The following IPCEF1 variants were observed in gnomAD, a reference collection of about 807,000 sequenced individuals.
IPCEF1 encodes the protein interaction protein for cytohesin exchange factors 1.
IPCEF1 carries 31 observed loss-of-function variants against 50.9 expected under a neutral mutation model. The ratio of observed to expected loss-of-function variants is 0.61; its 90% CI spans 0.46 to 0.82. The LOEUF is 0.82. IPCEF1 is among the 40% of genes least tolerant of loss of function. IPCEF1 has a pLI of 0.00. For synonymous variants in IPCEF1, 181 were observed against 192.0 expected (o/e 0.94, Z 0.47); for missense variants, 458 against 514.0 (o/e 0.89, Z 1.05).
At chr6:154,257,083 T>C (rs554881779) in intron 3 of IPCEF1, among the ~76,000 whole-genome samples, 2 of 152,300 alleles carry the variant, frequency 1.3e-5, no homozygotes, top group African/African-American at 4.8e-5. Context: ...TGTAACCCCA[T>C]GGTAAGTCAA....
At chr6:154,321,020 T>C (rs1783359667) in intron 1 of IPCEF1, among the ~76,000 whole-genome samples, 1 of 152,020 alleles carries the variant, frequency 6.6e-6, no homozygotes, top group Non-Finnish European at 1.5e-5. Flanking sequence ...AGCCTTGACC[T>C]CCTGGGCTCA....
At chr6:154,189,172 C>A (rs1801640827) in intron 10 of IPCEF1, among the ~76,000 whole-genome samples, 1 of 152,184 alleles carries the variant, frequency 6.6e-6, no homozygotes, top group Admixed American at 6.5e-5. Flanking sequence ...GAAATAAACA[C>A]TCTTAGATGT....
chr6:154,226,471 G>A (rs1277149468), intron 5 of IPCEF1, among the ~76,000 whole-genome samples: 4 of 152,006 alleles, frequency 2.6e-5, no homozygotes, highest in African/African-American at 9.7e-5. Context: ...ACATGTGAGA[G>A]ACATCCCCAA....
At chr6:154,343,731 G>A (rs1783966487) in intron 1 of IPCEF1, among the ~76,000 whole-genome samples, 1 of 152,226 alleles carries the variant, frequency 6.6e-6, no homozygotes, top group South Asian at 2.1e-4. Flanking sequence ...GAGGAAAAGA[G>A]GTCCTTGGAA....
At chr6:154,329,707 C>T (rs938837970) in intron 1 of IPCEF1, among the ~76,000 whole-genome samples, 2 of 151,552 alleles carry the variant, frequency 1.3e-5, no homozygotes, top group African/African-American at 4.8e-5. Flanking sequence ...ATTCGTCATG[C>T]AAAAAAGAAA....
chr6:154,338,694 G>A lies in IPCEF1; in HGVS notation c.-62+17978C>T, dbSNP rs146270225. Among the ~76,000 whole-genome samples, 7 of 152,220 alleles carry A rather than the reference G, an allele frequency of 4.6e-5. No homozygotes were observed. In the East Asian group the frequency reaches 1.4e-3, roughly 29 times the overall value. On this transcript the variant is annotated intron_variant, in intron 1 of 11. Transcript: ENST00000367220. The stretch of plus-strand genomic sequence containing the variant: ...TAGTATTTTCAGAGGCCAAGGTAGA[G>A]AATCACTCTAGAACCCAGGAGTTTG...
At chr6:154,323,436 C>T (rs2128688878) in intron 1 of IPCEF1, among the ~76,000 whole-genome samples, 2 of 95,916 alleles carry the variant, frequency 2.1e-5, no homozygotes, top group Middle Eastern at 0.011. Flanking sequence ...TCCCTTCCCT[C>T]TCTCATTCTG....
intron 10 of IPCEF1, among the ~76,000 whole-genome samples, chr6:154,182,743 T>C (rs760345307): frequency 1.8e-4 from 27 of 152,114 alleles, no homozygotes; most frequent in Admixed American, 3.3e-4. Flanking sequence ...ATCCAATGCA[T>C]TGTAGATAAA....
In IPCEF1 at chr6:154,272,217, G is replaced by A. The variant is rs564097022; in HGVS notation, c.-17-6253C>T. On this transcript the variant is annotated intron_variant, in intron 2 of 11. Transcript: ENST00000367220. ...GCACAAGTGTGCATGCTTAGTAAGT[G>A]GTAGCAATTACCTAGAATGGGAGCT... is the stretch of plus-strand genomic sequence containing the variant. Among the ~76,000 whole-genome samples the A allele has an allele frequency of 8.1e-4, 123 of 152,282 alleles. 1 individual carries two copies. Among genetic ancestry groups the A allele is most frequent in the African/African-American group, 2.9e-3 (120 of 41,556 alleles).
At chr6:154,167,488 C>T (rs1799534574) in intron 11 of IPCEF1, among the ~76,000 whole-genome samples, 1 of 152,154 alleles carries the variant, frequency 6.6e-6, no homozygotes, top group Non-Finnish European at 1.5e-5. Flanking sequence ...GGATGCAGTC[C>T]TGAAGACTGG....
intron 1 of IPCEF1, among the ~76,000 whole-genome samples, chr6:154,298,891 G>A (rs1402200765): frequency 1.4e-5 from 2 of 142,338 alleles, no homozygotes; most frequent in Non-Finnish European, 3.2e-5. Context: ...GAACCCAGGA[G>A]GCGGAGGTTG....
At chr6:154,278,027 G>C (rs1023463725) in intron 2 of IPCEF1, among the ~76,000 whole-genome samples, 24 of 151,876 alleles carry the variant, frequency 1.6e-4, no homozygotes, top group Admixed American at 1.4e-3. Flanking sequence ...TCCTGCCCTA[G>C]ATACCTTCAT....
intron 3 of IPCEF1, among the ~76,000 whole-genome samples, chr6:154,257,179 C>T (rs1781482283): frequency 6.6e-6 from 1 of 152,114 alleles, no homozygotes; most frequent in African/African-American, 2.4e-5. Flanking sequence ...CTCCTTCCTC[C>T]CAGGGCCCAC....
At chr6:154,229,177 C>T (rs1357949730) in intron 5 of IPCEF1, among the ~76,000 whole-genome samples, 1 of 152,134 alleles carries the variant, frequency 6.6e-6, no homozygotes, top group Non-Finnish European at 1.5e-5. Context: ...TTGTGAGTAC[C>T]TTGAAGGAAA....
chr6:154,190,663 A>AC (rs1047166735), intron 10 of IPCEF1, among the ~76,000 whole-genome samples: 73 of 152,210 alleles, frequency 4.8e-4, no homozygotes, highest in African/African-American at 1.6e-3. Flanking sequence ...ATTGCTATTT[A>AC]CCCCAAAGAG....
intron 1 of IPCEF1, among the ~76,000 whole-genome samples, chr6:154,315,686 C>T (rs1783197835): frequency 6.6e-6 from 1 of 152,126 alleles, no homozygotes; most frequent in South Asian, 2.1e-4. Flanking sequence ...ACTAGCATCC[C>T]TGTATTTGGC....
chr6:154,312,537 G>A (rs902394376), intron 1 of IPCEF1, among the ~76,000 whole-genome samples: 3 of 151,928 alleles, frequency 2.0e-5, no homozygotes, highest in Admixed American at 1.3e-4. Context: ...TAGTAGAGAC[G>A]GGGTTTCACC....
intron 6 of IPCEF1, 29 bp from the exon 7 acceptor site, chr6:154,221,357 A>G (rs2272381): frequency 0.16 from 248,265 of 1,583,206 alleles, 20,198 homozygotes; most frequent in East Asian, 0.23. Context: ...CAAACACATA[A>G]AAAATTAGTG....
chr6:154,192,318 C>CTGTGTGTGTGTGTGTGTGTGTG (rs56231733), intron 10 of IPCEF1, among the ~76,000 whole-genome samples: 2 of 148,026 alleles, frequency 1.4e-5, no homozygotes, highest in African/African-American at 5.0e-5. Context: ...CACGTGGTTA[C>CTGTGTGTGTGTGTGTGTGTGTG]TGTGTGTGTG....
Sources: gnomAD v4.1 joint callset for allele counts (sites outside exome capture counted in the v4.1 genomes callset) on GRCh38, gnomAD v4.1.1 for gene constraint, MANE v1.5 for transcripts, NCBI Gene and HGNC (gene_info 2026-07-23, HGNC 2026-07-21) for gene names.